Variants in EIF3H observed in about 807,000 individuals in gnomAD.
The protein encoded by EIF3H is eIF-3-gamma.
EIF3H carries 26 observed loss-of-function variants against 44.2 expected under a neutral mutation model. That is an observed-to-expected ratio of 0.59 (90% CI 0.43 to 0.82). EIF3H has a LOEUF of 0.82. Among genes scored for constraint, EIF3H ranks in the 40% least tolerant of loss-of-function variants. EIF3H has a pLI of 0.00. For missense variants in EIF3H, 359 were observed against 432.8 expected (o/e 0.83, Z 1.51); for synonymous variants, 166 against 151.9 (o/e 1.09, Z -0.68).
chr8:116,755,876 G>A (rs1815438654), upstream of EIF3H: 6 of 1,586,624 alleles, frequency 3.8e-6, no homozygotes, highest in Admixed American at 5.2e-5. Context: ...GTCACTCGCA[G>A]GCCGGCGTTC....
intron 2 of EIF3H, among the ~76,000 whole-genome samples, chr8:116,687,449 A>G (rs1814095352): frequency 1.3e-5 from 2 of 152,190 alleles, no homozygotes. Context: ...TCACAAATTG[A>G]TGGCACTAAA....
intron 1 of EIF3H, among the ~76,000 whole-genome samples, chr8:116,750,228 T>A (rs1474022921): frequency 6.6e-6 from 1 of 152,292 alleles, no homozygotes; most frequent in African/African-American, 2.4e-5. Context: ...AGATTCAAGT[T>A]AAACTATATG....
At position 116,714,594 on chromosome 8, in the gene EIF3H, G is replaced by A. The variant is rs188043074; in HGVS notation, c.289+11422C>T. On this transcript the variant is annotated intron_variant, in intron 2 of 7. Coordinates refer to ENST00000521861, the MANE Select transcript of EIF3H (RefSeq NM_003756.3). ...TTATACCTCCACACTTGACCACAAC[G>A]ATATGAGGTCACTAGGTAAACATGC... Among the ~76,000 whole-genome samples, 56 of 151,948 alleles carry A rather than the reference G, an allele frequency of 3.7e-4. 1 individual carries two copies. The highest frequency in any genetic ancestry group is 1.0e-4 in the Non-Finnish European group (7 of 67,890).
intron 2 of EIF3H, among the ~76,000 whole-genome samples, chr8:116,691,239 T>C (rs1299408120): frequency 2.0e-5 from 3 of 152,184 alleles, no homozygotes; most frequent in African/African-American, 7.2e-5. Flanking sequence ...AACACACATA[T>C]ACCACACTTT....
chr8:116,708,795 T>G (rs1319336992), intron 2 of EIF3H, among the ~76,000 whole-genome samples: 1 of 152,064 alleles, frequency 6.6e-6, no homozygotes, highest in African/African-American at 2.4e-5. Flanking sequence ...CCAAACATCC[T>G]TATGGTACTC....
Position 116,642,400 on chromosome 8 carries a change from A to G in EIF3H, c.*2606T>C, listed in dbSNP as rs1813235697. The G allele has an allele frequency of 6.6e-6, 1 of 152,144 alleles. No homozygotes were observed. The highest frequency in any genetic ancestry group is 6.6e-5 in the Admixed American group (1 of 15,266). 9.4% of individuals were successfully genotyped at this position (152,144 alleles called of 1,614,324 possible). A position where few individuals can be genotyped will look rare whatever the true frequency, so the allele number is the denominator to read the frequency against. On this transcript the variant is annotated 3_prime_UTR_variant, in exon 8 of 8. Transcript: ENST00000521861. ...GTTAACATTAGACAACTACATCTCA[A>G]TTTCCAAGCTTCCAAAAATAGGTAA...
At chr8:116,747,549 G>A (rs1025417957) in intron 1 of EIF3H, among the ~76,000 whole-genome samples, 12 of 152,146 alleles carry the variant, frequency 7.9e-5, no homozygotes, top group African/African-American at 2.7e-4. Context: ...TATCTCACAT[G>A]TCAAACAACT....
At chr8:116,700,680 T>C (rs942148908) in intron 2 of EIF3H, among the ~76,000 whole-genome samples, 11 of 152,200 alleles carry the variant, frequency 7.2e-5, no homozygotes, top group Non-Finnish European at 1.3e-4. Flanking sequence ...TTTATATAGT[T>C]TGATCAGGGA....
At chr8:116,656,048 TA>T (rs1563633824) in intron 4 of EIF3H, 43 bp from the exon 5 acceptor site, 1 of 1,598,076 alleles carries the variant, frequency 6.3e-7, no homozygotes, top group Non-Finnish European at 8.6e-7. Context: ...TGGTCAAAAG[TA>T]AGTGCTAAAC....
At chr8:116,759,895 T>G (rs1815501367), upstream of EIF3H, among the ~76,000 whole-genome samples, 2 of 152,222 alleles carry the variant, frequency 1.3e-5, no homozygotes, top group South Asian at 4.2e-4. Flanking sequence ...CACACTTGAA[T>G]AATTTTTGTA....
At chr8:116,673,449 A>G (rs1467317116) in intron 2 of EIF3H, among the ~76,000 whole-genome samples, 2 of 152,176 alleles carry the variant, frequency 1.3e-5, no homozygotes, top group African/African-American at 4.8e-5. Context: ...CTCTAATAAA[A>G]TTATCAAGGT....
chr8:116,713,419 T>C (rs1466743011), intron 2 of EIF3H, among the ~76,000 whole-genome samples: 1 of 152,132 alleles, frequency 6.6e-6, no homozygotes, highest in Non-Finnish European at 1.5e-5. Flanking sequence ...TATCCTTTCA[T>C]GCACAAGAGT....
chr8:116,681,951 T>C (rs890925616), intron 2 of EIF3H, among the ~76,000 whole-genome samples: 1 of 152,048 alleles, frequency 6.6e-6, no homozygotes, highest in Non-Finnish European at 1.5e-5. Flanking sequence ...AAAAAGCAAA[T>C]GAGAGATGCA....
Position 116,643,421 on chromosome 8 carries a change from T to C in EIF3H, c.*1585A>G. 6.6e-6 allele frequency: 1 copy of C among 152,238 alleles called. No individual in the cohort carries two copies. Among genetic ancestry groups the C allele is most frequent in the East Asian group, 1.9e-4 (1 of 5,198 alleles). 9.4% of individuals were successfully genotyped at this position (152,238 alleles called of 1,614,324 possible). ...CAAGTACTTGGATTCTAGAATGTTC[T>C]AGGCCCTGAGCTTTTTAAAGTAAAA... On this transcript the variant is annotated 3_prime_UTR_variant, in exon 8 of 8. Coordinates refer to ENST00000521861, the MANE Select transcript of EIF3H (RefSeq NM_003756.3).
chr8:116,645,590 TGAA>T (rs1444671674), intron 7 of EIF3H, among the ~76,000 whole-genome samples: 1 of 152,244 alleles, frequency 6.6e-6, no homozygotes, highest in African/African-American at 2.4e-5. Context: ...AGAGTTCACT[TGAA>T]GAAAGGGCTC....
At chr8:116,759,642 A>G (rs192677757), upstream of EIF3H, among the ~76,000 whole-genome samples, 1 of 152,218 alleles carries the variant, frequency 6.6e-6, no homozygotes, top group Non-Finnish European at 1.5e-5. Context: ...GAGAGTATAC[A>G]TTTCGGGGTT....
At chr8:116,645,147 T>C in intron 7 of EIF3H, 44 bp from the exon 8 acceptor site, 1 of 1,458,876 alleles carries the variant, frequency 6.9e-7, no homozygotes, top group South Asian at 1.2e-5. Context: ...TTCCACAAAT[T>C]GTAAAATGAT....
At chr8:116,646,258 C>CA (rs1491306715) in intron 7 of EIF3H, among the ~76,000 whole-genome samples, 2 of 152,172 alleles carry the variant, frequency 1.3e-5, no homozygotes, top group African/African-American at 4.8e-5. Context: ...TTTAGAAACA[C>CA]AGAGTGAAGC....
intron 2 of EIF3H, among the ~76,000 whole-genome samples, chr8:116,674,067 C>CAAA (rs59899280): frequency 6.4e-4 from 32 of 49,664 alleles, no homozygotes; most frequent in African/African-American, 2.1e-3. Context: ...AAGACTGTCT[C>CAAA]AAAAAAAAAA....
Sources: gnomAD v4.1 joint callset for allele counts (sites outside exome capture counted in the v4.1 genomes callset) on GRCh38, gnomAD v4.1.1 for gene constraint, MANE v1.5 for transcripts, NCBI Gene and HGNC (gene_info 2026-07-23, HGNC 2026-07-21) for gene names.